NLRP12: variants seen among roughly 807,000 people sequenced by gnomAD.
The protein encoded by NLRP12 is NACHT, LRR and PYD domains-containing protein 12.
A neutral mutation model predicts 91.2 loss-of-function variants in NLRP12; 108 were observed. That is an observed-to-expected ratio of 1.18 (90% CI 1.01 to 1.39). NLRP12 has a LOEUF of 1.39. Among genes scored for constraint, NLRP12 ranks in the 40% most tolerant of loss-of-function variants. The pLI, the probability that NLRP12 is intolerant of heterozygous loss-of-function variation, is 0.00. For synonymous variants in NLRP12, 613 were observed against 566.7 expected, an observed-to-expected ratio of 1.08 and a Z score of -1.16; for missense variants, 1,530 against 1,352.7, an observed-to-expected ratio of 1.13 and a Z score of -2.06.
intron 1 of NLRP12, among the ~76,000 whole-genome samples, chr19:53,818,755 G>T (rs990430591): frequency 6.6e-6 from 1 of 152,182 alleles, no homozygotes; most frequent in African/African-American, 2.4e-5. Flanking sequence ...GTGTTTCCTA[G>T]GCATGCCGCG....
chr19:53,823,910 C>T lies in NLRP12; in HGVS notation c.265G>A (p.Gly89Arg), dbSNP rs753292620. The T allele has an allele frequency of 5.6e-6, 9 of 1,613,912 alleles. No individual in the cohort carries two copies. The Middle Eastern group carries it at 6.6e-4, about 118-fold the overall frequency. ...CCCCTCACCAGGTCCTCTCTCTGTCCTCTCTCCCACAGGTCCTTCCTGTTT... is the reference window on the plus strand; with the variant it reads ...CCCCTCACCAGGTCCTCTCTCTGTCTTCTCTCCCACAGGTCCTTCCTGTTT... ...RINRKDLWER[G>R]QREDLVRDTP... The change falls in exon 1 of 10, where the codon GGA becomes AGA. Residue 89 changes from glycine to arginine, a missense_variant. By Grantham distance (125) the Gly-to-Arg change is moderately radical. Coordinates refer to ENST00000324134, the MANE Select transcript of NLRP12 (RefSeq NM_144687.4).
intron 6 of NLRP12, among the ~76,000 whole-genome samples, chr19:53,801,766 A>T (rs1003116130): frequency 1.6e-4 from 24 of 151,310 alleles, no homozygotes; most frequent in Admixed American, 1.6e-3. Context: ...CCCAATCTTA[A>T]CAGTAATGCA....
In NLRP12 at chr19:53,809,839, T is replaced by C. The variant is rs370229918; in HGVS notation, c.1820A>G (p.Gln607Arg). 3 of 1,614,052 alleles carry C rather than the reference T, an allele frequency of 1.9e-6. No individual in the cohort carries two copies. The highest frequency in any genetic ancestry group is 2.5e-6 in the Non-Finnish European group (3 of 1,180,036). Reference sequence around the variant, plus strand: ...GCTGAAGAACTCCAAGGAGCCCTGCTGCAGGGTGGAGCCGTCGCTCTGAGC... The same window carrying C: ...GCTGAAGAACTCCAAGGAGCCCTGCCGCAGGGTGGAGCCGTCGCTCTGAGC... ...SKAQSDGSTL[Q>R]QGSLEFFSCL... The change falls in exon 3 of 10, where the codon CAG becomes CGG. Residue 607 changes from glutamine (Q) to arginine (R), a missense_variant. Gln to Arg is a conservative substitution (Grantham distance 43). Transcript: ENST00000324134.
At chr19:53,823,585 G>C (rs990311820) in intron 1 of NLRP12, among the ~76,000 whole-genome samples, 9 of 147,422 alleles carry the variant, frequency 6.1e-5, no homozygotes, top group Admixed American at 5.5e-4. Context: ...GTCTCGTTCT[G>C]TCACCTAGGC....
In NLRP12 at chr19:53,798,242, C is replaced by T; in HGVS notation, c.2927+1G>A. 1.2e-6 allele frequency: 2 copies of T among 1,614,194 alleles called. No individual in the cohort carries two copies. The highest frequency in any genetic ancestry group is 1.7e-6 in the Non-Finnish European group (2 of 1,180,038). On this transcript the variant is annotated splice_donor_variant, in intron 8 of 9. Transcript: ENST00000324134. LOFTEE classifies it high-confidence loss of function. ...CCACCCCGTCACTCCCCGATGCTCACCACAGTTTCTGGAGTCTGCAGGCGG... is the reference window on the plus strand; with the variant it reads ...CCACCCCGTCACTCCCCGATGCTCATCACAGTTTCTGGAGTCTGCAGGCGG...
rs749558301 is a variant in NLRP12, at chr19:53,809,856, G to A, written c.1803C>T (p.Ser601=). The change falls in exon 3 of 10, where the codon AGC becomes AGT. Residue 601 remains serine (S), a synonymous_variant. Coordinates refer to ENST00000324134, the MANE Select transcript of NLRP12 (RefSeq NM_144687.4). ...LLQWIQSKAQ[S]DGSTLQQGSL... is the part of the protein sequence containing the mutation. The stretch of plus-strand genomic sequence containing the variant: ...AGCCCTGCTGCAGGGTGGAGCCGTC[G>A]CTCTGAGCTTTGCTTTGGATCCACT... 1.3e-5 allele frequency: 21 copies of A among 1,613,954 alleles called. No individual in the cohort carries two copies. The South Asian group carries it at 2.1e-4, about 16-fold the overall frequency.
chr19:53,795,128 G>GTGTGT (rs2091730262), intron 9 of NLRP12, among the ~76,000 whole-genome samples: 3 of 135,752 alleles, frequency 2.2e-5, no homozygotes, highest in Non-Finnish European at 4.8e-5. Flanking sequence ...GTGTGTGTGT[G>GTGTGT]TGTGTGTGTA....
At position 53,793,854 on chromosome 19, in the gene NLRP12, G is replaced by A; in HGVS notation, c.*195C>T. 1.5e-6 allele frequency: 1 copy of A among 669,082 alleles called. No homozygotes were observed. 41.4% of individuals were successfully genotyped at this position (669,082 alleles called of 1,614,324 possible). On this transcript the variant is annotated 3_prime_UTR_variant, in exon 10 of 10. Coordinates refer to ENST00000324134, the MANE Select transcript of NLRP12 (RefSeq NM_144687.4). ...CCTGCCTCGGCCTCTCGAAGTGCTA[G>A]GATTACATACATGAGCCACCACGCC... is the stretch of plus-strand genomic sequence containing the variant.
chr19:53,809,706 C>T lies in NLRP12; in HGVS notation c.1953G>A (p.Ser651=), dbSNP rs771048449. Residue 651 remains serine (S), a synonymous_variant, in exon 3 of 10, where the codon TCG becomes TCA. Coordinates refer to ENST00000324134, the MANE Select transcript of NLRP12 (RefSeq NM_144687.4). Reference sequence around the variant, plus strand: ...CGCTCCTGCAGCGCTTCAGACAGAACGAGGAGACCATGTGCTCCATCTTGG... The same window carrying T: ...CGCTCCTGCAGCGCTTCAGACAGAATGAGGAGACCATGTGCTCCATCTTGG... The part of the protein sequence containing the change: ...IASKMEHMVS[S]FCLKRCRSAQ... The T allele has an allele frequency of 1.9e-6, 3 of 1,614,096 alleles. No homozygotes were observed. Among genetic ancestry groups the T allele is most frequent in the South Asian group, 1.1e-5 (1 of 91,088 alleles).
chr19:53,810,843 C>A lies in NLRP12; in HGVS notation c.816G>T (p.Trp272Cys). The change falls in exon 3 of 10, where the codon TGG becomes TGT. Residue 272 changes from tryptophan to cysteine, a missense_variant. Coordinates refer to ENST00000324134, the MANE Select transcript of NLRP12 (RefSeq NM_144687.4). ...CSMQDLIFSC[W>C]PEPSAPLQEL... ...CCTGGAGAGGCGCGCTGGGCTCAGGCCAGCAGCTGAAGATGAGGTCTTGCA... is the reference window on the plus strand; with the variant it reads ...CCTGGAGAGGCGCGCTGGGCTCAGGACAGCAGCTGAAGATGAGGTCTTGCA... 1 of 1,614,070 alleles carries A rather than the reference C, an allele frequency of 6.2e-7. No homozygotes were observed. The highest frequency in any genetic ancestry group is 1.1e-5 in the South Asian group (1 of 91,082).
chr19:53,798,313 G>C lies in NLRP12; in HGVS notation c.2857C>G (p.Leu953Val), dbSNP rs2091806882. 6.2e-7 allele frequency: 1 copy of C among 1,614,070 alleles called. No individual in the cohort carries two copies. The highest frequency in any genetic ancestry group is 1.7e-5 in the Admixed American group (1 of 59,978). ...AGCAACCACAGGCCCCAGTCTCCCAGGTCGTTGAAACTCAAGTCCAGCTCC... is the reference window on the plus strand; with the variant it reads ...AGCAACCACAGGCCCCAGTCTCCCACGTCGTTGAAACTCAAGTCCAGCTCC... ...LRELDLSFND[L>V]GDWGLWLLAE... The change falls in exon 8 of 10, where the codon CTG becomes GTG. Residue 953 changes from leucine to valine, a missense_variant. Coordinates refer to ENST00000324134, the MANE Select transcript of NLRP12 (RefSeq NM_144687.4).
Position 53,810,039 on chromosome 19 carries a change from G to A in NLRP12, c.1620C>T (p.Asp540=), listed in dbSNP as rs753008165. ...EGEGGAGPDQ[D]VTRLLTEYAF... ...CGTACTCGGTCAACAGCCTGGTCAC[G>A]TCCTGGTCTGGGCCTGCCCCGCCCT... Residue 540 remains aspartate (D), a synonymous_variant, in exon 3 of 10, where the codon GAC becomes GAT. Transcript: ENST00000324134. The A allele has an allele frequency of 5.6e-6, 9 of 1,614,014 alleles. No homozygotes were observed. Among genetic ancestry groups the A allele is most frequent in the Admixed American group, 3.3e-5 (2 of 59,966 alleles).
At chr19:53,809,012 G>C (rs1023963157) in intron 3 of NLRP12, among the ~76,000 whole-genome samples, 1 of 151,926 alleles carries the variant, frequency 6.6e-6, no homozygotes, top group African/African-American at 2.4e-5. Flanking sequence ...GATCACTTGA[G>C]GTCAGGAGTT....
chr19:53,802,301 A>G (rs2091888190), intron 6 of NLRP12, among the ~76,000 whole-genome samples: 2 of 152,178 alleles, frequency 1.3e-5, no homozygotes, highest in African/African-American at 2.4e-5. Flanking sequence ...AGGTGTACAA[A>G]TGGCCAAAAA....
chr19:53,798,285 G>C lies in NLRP12; in HGVS notation c.2885C>G (p.Ala962Gly). The change falls in exon 8 of 10, where the codon GCT (alanine) becomes GGT (glycine). Residue 962 changes from alanine to glycine, a missense_variant. Ala to Gly is a moderately conservative substitution (Grantham distance 60). Coordinates refer to ENST00000324134, the MANE Select transcript of NLRP12 (RefSeq NM_144687.4). ...DLGDWGLWLLAEGLQHPACRL... is the reference protein window; with the variant it reads ...DLGDWGLWLLGEGLQHPACRL... ...GCAGGCGGGATGTTGCAGCCCCTCAGCCAGCAACCACAGGCCCCAGTCTCC... is the reference window on the plus strand; with the variant it reads ...GCAGGCGGGATGTTGCAGCCCCTCACCCAGCAACCACAGGCCCCAGTCTCC... 6.2e-7 allele frequency: 1 copy of C among 1,614,192 alleles called. No homozygotes were observed. Among genetic ancestry groups the C allele is most frequent in the Non-Finnish European group, 8.5e-7 (1 of 1,180,034 alleles).
chr19:53,804,154 C>T, intron 5 of NLRP12, 32 bp from the exon 6 acceptor site: 1 of 1,611,864 alleles, frequency 6.2e-7, no homozygotes, highest in Non-Finnish European at 8.5e-7. Context: ...AAGGGGACGC[C>T]ATCTTGCTTT....
At chr19:53,823,493 TATTTATTTAAAATATATATTTAAAAC>T (rs1313588125) in intron 1 of NLRP12, among the ~76,000 whole-genome samples, 7 of 82,140 alleles carry the variant, frequency 8.5e-5, no homozygotes, top group East Asian at 5.0e-4. Context: ...TTTTAAAATA[TATTTATTTAAAATATATATTTAAAAC>T]ATATATTTTA....
intron 2 of NLRP12, among the ~76,000 whole-genome samples, chr19:53,813,929 C>A (rs1403436548): frequency 6.6e-6 from 1 of 151,692 alleles, no homozygotes; most frequent in African/African-American, 2.4e-5. Flanking sequence ...GCCTGGCCTC[C>A]CAAAGTGCAG....
rs200270922 is a variant in NLRP12, at chr19:53,814,953, G to A, written c.325C>T (p.Gln109Ter). The change falls in exon 2 of 10, where the codon CAG becomes TAG. Residue 109 changes from glutamine to a stop codon, truncating the protein, a stop_gained. Coordinates refer to ENST00000324134, the MANE Select transcript of NLRP12 (RefSeq NM_144687.4). LOFTEE classifies it high-confidence loss of function. ...GAGACTTCCAGAAGGCATGTTGACT[G>A]GTTCCCAAGTGAGGACGGGCCACCA... Reference protein sequence around the residue: ...PPGGPSSLGNQSTCLLEVSLV... With the variant: ...PPGGPSSLGN The A allele has an allele frequency of 1.5e-5, 25 of 1,613,920 alleles. No individual in the cohort carries two copies. The highest frequency in any genetic ancestry group is 2.1e-5 in the Non-Finnish European group (25 of 1,179,986).
Sources: allele counts gnomAD v4.1 joint callset (sites outside exome capture counted in the v4.1 genomes callset), GRCh38; gene constraint gnomAD v4.1.1; transcripts MANE v1.5; gene names NCBI Gene and HGNC (gene_info 2026-07-23, HGNC 2026-07-21).